Variants in TOP3A observed in about 807,000 individuals in gnomAD.
The protein encoded by TOP3A is DNA topoisomerase 3-alpha.
TOP3A carries 64 observed loss-of-function variants against 111.3 expected under a neutral mutation model. The observed-to-expected ratio is 0.57, with a 90% CI of 0.47 to 0.71. The LOEUF is 0.71. Among genes scored for constraint, TOP3A ranks in the 30% least tolerant of loss-of-function variants. TOP3A has a pLI of 0.00. For missense variants in TOP3A, 1,104 were observed against 1,285.0 expected, an observed-to-expected ratio of 0.86 and a Z score of 2.15; for synonymous variants, 484 against 485.1, an observed-to-expected ratio of 1.00 and a Z score of 0.03.
intron 11 of TOP3A, among the ~76,000 whole-genome samples, chr17:18,292,215 C>G (rs529714424): frequency 6.6e-6 from 1 of 152,322 alleles, no homozygotes; most frequent in South Asian, 2.1e-4. Context: ...CTGAGACAGA[C>G]AAGCAGAGCT....
At position 18,290,994 on chromosome 17, in the gene TOP3A, G is replaced by A. The variant is rs1238198584; in HGVS notation, c.1315C>T (p.Arg439Cys). The A allele has an allele frequency of 3.7e-6, 6 of 1,614,060 alleles. No homozygotes were observed. Among genetic ancestry groups the A allele is most frequent in the East Asian group, 2.2e-5 (1 of 44,904 alleles). The change falls in exon 12 of 19, where the codon CGC becomes TGC. Residue 439 changes from arginine to cysteine, a missense_variant. By Grantham distance (180) the Arg-to-Cys change is radical. Coordinates refer to ENST00000321105, the MANE Select transcript of TOP3A (RefSeq NM_004618.5). The stretch of plus-strand genomic sequence containing the variant: ...TGGGAGCAGCAAGCCAGGAAATGGC[G>A]AACAATAAACTCGTACAGTCGCTGT... ...DEQRLYEFIV[R>C]HFLACCSQDA...
chr17:18,285,365 C>CG (rs1980024169), intron 14 of TOP3A, 42 bp downstream of exon 14: 1 of 1,612,526 alleles, frequency 6.2e-7, no homozygotes, highest in Non-Finnish European at 8.5e-7. Flanking sequence ...GGGACTTGGG[C>CG]GACACCACCC....
At chr17:18,295,857 C>T (rs1228261732) in intron 9 of TOP3A, among the ~76,000 whole-genome samples, 1 of 151,348 alleles carries the variant, frequency 6.6e-6, no homozygotes, top group Non-Finnish European at 1.5e-5. Context: ...AGCTCTGCCT[C>T]CTGGGTTCAC....
chr17:18,274,983 G>A lies in TOP3A; in HGVS notation c.2828-3C>T. On this transcript the variant is annotated splice_polypyrimidine_tract_variant and splice_region_variant and intron_variant, in intron 18 of 18. Coordinates refer to ENST00000321105, the MANE Select transcript of TOP3A (RefSeq NM_004618.5). ...CCAGGACGGGGCTCCAGAAGTCCCTGTCGGGAGAGTCAGGGGAGGGGTGAG... is the reference window on the plus strand; with the variant it reads ...CCAGGACGGGGCTCCAGAAGTCCCTATCGGGAGAGTCAGGGGAGGGGTGAG... The A allele has an allele frequency of 6.2e-7, 1 of 1,612,960 alleles. No homozygotes were observed. Among genetic ancestry groups the A allele is most frequent in the Non-Finnish European group, 8.5e-7 (1 of 1,179,502 alleles).
chr17:18,276,875 T>C (rs1254582731), intron 18 of TOP3A, among the ~76,000 whole-genome samples: 4 of 152,142 alleles, frequency 2.6e-5, no homozygotes, highest in Non-Finnish European at 5.9e-5. Flanking sequence ...TCATCGGGGT[T>C]GGCATCTTCA....
intron 16 of TOP3A, 95 bp from the exon 17 acceptor site, chr17:18,280,753 G>T: frequency 7.1e-7 from 1 of 1,414,608 alleles, no homozygotes; most frequent in Non-Finnish European, 9.8e-7. Context: ...GCTGCCCGAG[G>T]ACAACATTCC....
chr17:18,297,823 G>A (rs1980926955), intron 9 of TOP3A, among the ~76,000 whole-genome samples: 1 of 152,160 alleles, frequency 6.6e-6, no homozygotes, highest in South Asian at 2.1e-4. Flanking sequence ...TGCCGAGATT[G>A]CAGCCTCTGC....
At chr17:18,311,574 A>G (rs1276369617) in intron 1 of TOP3A, among the ~76,000 whole-genome samples, 1 of 152,226 alleles carries the variant, frequency 6.6e-6, no homozygotes, top group African/African-American at 2.4e-5. Context: ...GATTACAGGC[A>G]TGAGCCGCTG....
At chr17:18,284,147 G>A (rs1275303647) in intron 15 of TOP3A, among the ~76,000 whole-genome samples, 2 of 150,580 alleles carry the variant, frequency 1.3e-5, no homozygotes, top group Non-Finnish European at 2.9e-5. Flanking sequence ...CTACAGGTAC[G>A]CACCACCATG....
intron 11 of TOP3A, among the ~76,000 whole-genome samples, chr17:18,292,186 C>A (rs1980519549): frequency 1.3e-5 from 2 of 152,200 alleles, no homozygotes; most frequent in South Asian, 4.1e-4. Flanking sequence ...GCAGAGCCTG[C>A]CCCTGGCTGA....
At chr17:18,290,328 G>A (rs1039891098) in intron 13 of TOP3A, among the ~76,000 whole-genome samples, 12 of 152,210 alleles carry the variant, frequency 7.9e-5, no homozygotes, top group African/African-American at 2.9e-4. Context: ...ACAGCACAGT[G>A]CATGGTTTAA....
chr17:18,309,341 C>T (rs975047564), intron 1 of TOP3A, among the ~76,000 whole-genome samples: 2 of 152,226 alleles, frequency 1.3e-5, no homozygotes, highest in African/African-American at 2.4e-5. Context: ...TCACATGTCA[C>T]AGCAATTCCA....
At chr17:18,300,287 G>T (rs1981146572) in intron 8 of TOP3A, among the ~76,000 whole-genome samples, 1 of 151,960 alleles carries the variant, frequency 6.6e-6, no homozygotes, top group Non-Finnish European at 1.5e-5. Context: ...CCAGCTACTG[G>T]GGAGGCTGAG....
chr17:18,280,262 T>A lies in TOP3A; in HGVS notation c.2144+274A>T, dbSNP rs543669158. On this transcript the variant is annotated intron_variant, in intron 17 of 18. Transcript: ENST00000321105. ...TGTGAATAATTTCCTAAGCCTGGTG[T>A]AGCAATCATCTATCTGGAGAGGGCA... is the stretch of plus-strand genomic sequence containing the variant. 1.7e-4 allele frequency: 43 copies of A among 249,414 alleles called. No homozygotes were observed. In the East Asian group the frequency reaches 3.1e-3, roughly 18 times the overall value. 15.5% of individuals were successfully genotyped at this position (249,414 alleles called of 1,614,324 possible).
At chr17:18,303,757 A>T (rs982102727) in intron 5 of TOP3A, among the ~76,000 whole-genome samples, 3 of 152,136 alleles carry the variant, frequency 2.0e-5, no homozygotes, top group African/African-American at 7.2e-5. Flanking sequence ...GATAGTAAAG[A>T]TAGTGATTGA....
chr17:18,283,369 C>CA (rs1232671512), intron 15 of TOP3A, among the ~76,000 whole-genome samples: 168 of 142,702 alleles, frequency 1.2e-3, no homozygotes, highest in Middle Eastern at 0.011. Flanking sequence ...AACTCCATCT[C>CA]AAAAAAAAAA....
chr17:18,278,471 G>A (rs1042472753), intron 17 of TOP3A, 114 bp from the exon 18 acceptor site: 14 of 976,242 alleles, frequency 1.4e-5, no homozygotes, highest in South Asian at 6.7e-5. Flanking sequence ...TATGCATCAG[G>A]AAGCCCACAC....
In TOP3A at chr17:18,314,752, C is replaced by G. The variant is rs1363907477; in HGVS notation, c.27G>C (p.Ala9=). Reference sequence around the variant, plus strand: ...CTTCGGGCCGTCGCAGCCACCGGAGCGCGTAGCGGGCGACAGGAAAGATCA... The same window carrying G: ...CTTCGGGCCGTCGCAGCCACCGGAGGGCGTAGCGGGCGACAGGAAAGATCA... The part of the protein sequence containing the change: MIFPVARY[A]LRWLRRPEDR... Residue 9 remains alanine, a synonymous_variant, in exon 1 of 19, where the codon GCG becomes GCC. Coordinates refer to ENST00000321105, the MANE Select transcript of TOP3A (RefSeq NM_004618.5). The G allele has an allele frequency of 6.4e-7, 1 of 1,562,872 alleles. No individual in the cohort carries two copies. Among genetic ancestry groups the G allele is most frequent in the South Asian group, 1.2e-5 (1 of 85,556 alleles).
At position 18,294,686 on chromosome 17, in the gene TOP3A, A is replaced by C; in HGVS notation, c.1073+17T>G. ...TAAAGACGGTTCAAATTCTACTCCC[A>C]AACCCAAAATACTTACCCTTGAGTG... On this transcript the variant is annotated intron_variant, in intron 10 of 18. Coordinates refer to ENST00000321105, the MANE Select transcript of TOP3A (RefSeq NM_004618.5). 1 of 1,593,696 alleles carries C rather than the reference A, an allele frequency of 6.3e-7. No individual in the cohort carries two copies. The highest frequency in any genetic ancestry group is 1.1e-5 in the South Asian group (1 of 90,572).
Sources: gnomAD v4.1 joint callset for allele counts (sites outside exome capture counted in the v4.1 genomes callset) on GRCh38, gnomAD v4.1.1 for gene constraint, MANE v1.5 for transcripts, NCBI Gene and HGNC (gene_info 2026-07-23, HGNC 2026-07-21) for gene names.